Variants in TENM3 observed in about 807,000 individuals in gnomAD.
TENM3 encodes teneurin transmembrane protein 3, also known as teneurin-3.
TENM3 carries 63 observed loss-of-function variants against 255.1 expected under a neutral mutation model. That is an observed-to-expected ratio of 0.25 (90% CI 0.20 to 0.30). TENM3 has a LOEUF of 0.30. TENM3 is among the 10% of genes least tolerant of loss of function. The pLI is 1.00. For missense variants in TENM3, 2,929 were observed against 3,461.1 expected (o/e 0.85, Z 3.86); for synonymous variants, 1,306 against 1,322.3 (o/e 0.99, Z 0.27).
chr4:182,114,399 C>G, the TENM3 span, among the ~76,000 whole-genome samples: 2 of 151,910 alleles, frequency 1.3e-5, no homozygotes, highest in African/African-American at 4.8e-5. Context: ...TCTTCCTCCT[C>G]CTCCTTCTTC....
chr4:182,387,590 A>G (rs1353434328), intron 3 of TENM3, among the ~76,000 whole-genome samples: 2 of 152,104 alleles, frequency 1.3e-5, no homozygotes, highest in Non-Finnish European at 1.5e-5. Flanking sequence ...CGCTGCTTTT[A>G]TGAGCTGTAA....
the TENM3 span, among the ~76,000 whole-genome samples, chr4:181,658,778 A>G: frequency 6.6e-6 from 1 of 152,202 alleles, no homozygotes; most frequent in Non-Finnish European, 1.5e-5. Flanking sequence ...GAAAACAACA[A>G]ACAAACAAGC....
chr4:182,091,459 G>A, the TENM3 span, among the ~76,000 whole-genome samples: 3 of 152,176 alleles, frequency 2.0e-5, no homozygotes, highest in Admixed American at 6.5e-5. Flanking sequence ...AAAGTACCTT[G>A]CAACCTGAGG....
the TENM3 span, among the ~76,000 whole-genome samples, chr4:181,864,478 T>C: frequency 6.6e-6 from 1 of 152,126 alleles, no homozygotes; most frequent in South Asian, 2.1e-4. Flanking sequence ...AAGAGAGTTG[T>C]GTCTCAGTAA....
chr4:182,278,397 A>AG (rs1561274161), intron 1 of TENM3, among the ~76,000 whole-genome samples: 5 of 152,140 alleles, frequency 3.3e-5, no homozygotes. Context: ...AAGAAAAAAA[A>AG]GAAATGTACT....
the TENM3 span, among the ~76,000 whole-genome samples, chr4:181,545,338 C>G: frequency 6.6e-6 from 1 of 152,124 alleles, no homozygotes; most frequent in South Asian, 2.1e-4. Flanking sequence ...AACACTTTTA[C>G]TAGTCCGTGG....
At chr4:182,244,246 C>T (rs967648143) in intron 1 of TENM3, among the ~76,000 whole-genome samples, 13 of 152,226 alleles carry the variant, frequency 8.5e-5, no homozygotes, top group African/African-American at 2.6e-4. Flanking sequence ...AGCCACCGCG[C>T]CCGGCCTCAT....
intron 1 of TENM3, among the ~76,000 whole-genome samples, chr4:182,309,503 T>G (rs1023603396): frequency 6.6e-6 from 1 of 152,198 alleles, no homozygotes; most frequent in Non-Finnish European, 1.5e-5. Flanking sequence ...TCTTCATCAG[T>G]TTCATTCCTC....
chr4:182,691,354 G>T (rs985281554), intron 12 of TENM3, among the ~76,000 whole-genome samples: 3 of 152,190 alleles, frequency 2.0e-5, no homozygotes, highest in African/African-American at 7.2e-5. Context: ...TACCAAACAG[G>T]AAGGTTAATT....
Position 182,683,612 on chromosome 4 carries a change from C to CA in TENM3, c.2035+1605dup, listed in dbSNP as rs56676067. On this transcript the variant is annotated intron_variant, in intron 11 of 27. Coordinates refer to ENST00000511685, the MANE Select transcript of TENM3 (RefSeq NM_001080477.4). ...CAGTGAAAAGAAAAGTATTTGGAGG[C>CA]AAAAAAATTGGATTGGGCCCAATTT... 1.7e-4 allele frequency among the ~76,000 whole-genome samples: 26 copies of CA among 151,976 alleles called. No individual in the cohort carries two copies. The East Asian group carries it at 3.9e-3, about 23-fold the overall frequency.
At chr4:181,978,552 CA>C in the TENM3 span, among the ~76,000 whole-genome samples, 2 of 149,412 alleles carry the variant, frequency 1.3e-5, no homozygotes, top group Non-Finnish European at 3.0e-5. Context: ...GAGGCTAAGG[CA>C]GGAGAATCGG....
At chr4:182,115,417 A>G in the TENM3 span, among the ~76,000 whole-genome samples, 1 of 152,328 alleles carries the variant, frequency 6.6e-6, no homozygotes, top group South Asian at 2.1e-4. Flanking sequence ...TATTCATTCA[A>G]TAATCATTCT....
the TENM3 span, among the ~76,000 whole-genome samples, chr4:182,041,982 A>C: frequency 6.6e-6 from 1 of 152,212 alleles, no homozygotes; most frequent in Admixed American, 6.5e-5. Flanking sequence ...GAATGAGGAC[A>C]TTCGAAAGTA....
chr4:182,158,143 G>A (rs1430752849), intron 1 of TENM3, among the ~76,000 whole-genome samples: 1 of 152,200 alleles, frequency 6.6e-6, no homozygotes, highest in Non-Finnish European at 1.5e-5. Flanking sequence ...CCAAAAGGAG[G>A]TGCCACGTCG....
chr4:182,465,930 G>A (rs1333388292), intron 3 of TENM3, among the ~76,000 whole-genome samples: 4 of 151,768 alleles, frequency 2.6e-5, no homozygotes, highest in Non-Finnish European at 5.9e-5. Flanking sequence ...AATATAAGAG[G>A]CCAAAGTACA....
the TENM3 span, among the ~76,000 whole-genome samples, chr4:181,881,568 C>T: frequency 2.6e-5 from 4 of 152,150 alleles, no homozygotes; most frequent in Non-Finnish European, 4.4e-5. Flanking sequence ...GAAATATATT[C>T]GAGATCTTGA....
the TENM3 span, among the ~76,000 whole-genome samples, chr4:182,074,962 C>A: frequency 6.8e-6 from 1 of 146,616 alleles, no homozygotes; most frequent in Non-Finnish European, 1.5e-5. Flanking sequence ...AATTTTATGT[C>A]CAGATTATGG....
the TENM3 span, among the ~76,000 whole-genome samples, chr4:182,018,957 C>T: frequency 6.6e-6 from 1 of 152,098 alleles, no homozygotes; most frequent in African/African-American, 2.4e-5. Flanking sequence ...GTCCAGATCA[C>T]AGTGCAAGCA....
the TENM3 span, among the ~76,000 whole-genome samples, chr4:181,990,552 C>T: frequency 6.6e-6 from 1 of 152,064 alleles, no homozygotes; most frequent in Non-Finnish European, 1.5e-5. Flanking sequence ...TGTCCAGGTA[C>T]CCAATTCTAT....
Sources: allele counts gnomAD v4.1 joint callset (sites outside exome capture counted in the v4.1 genomes callset), GRCh38; gene constraint gnomAD v4.1.1; transcripts MANE v1.5; gene names NCBI Gene and HGNC (gene_info 2026-07-23, HGNC 2026-07-21).